CYP27A1: variants seen among roughly 807,000 people sequenced by gnomAD.
The protein encoded by CYP27A1 is sterol 26-hydroxylase, mitochondrial.
Under a neutral mutation model 58.2 loss-of-function variants are expected in CYP27A1, and 46 were observed. The ratio of observed to expected loss-of-function variants is 0.79; its 90% CI spans 0.62 to 1.01. The LOEUF is 1.01. Among genes scored for constraint, CYP27A1 ranks in the 50% least tolerant of loss-of-function variants. The pLI, the probability that CYP27A1 is intolerant of heterozygous loss-of-function variation, is 0.00. For synonymous variants in CYP27A1, 274 were observed against 285.1 expected (o/e 0.96, Z 0.39); for missense variants, 704 against 687.0 (o/e 1.02, Z -0.28).
intron 5 of CYP27A1, among the ~76,000 whole-genome samples, chr2:218,813,538 G>A (rs759639707): frequency 1.3e-5 from 2 of 152,030 alleles, no homozygotes; most frequent in Non-Finnish European, 2.9e-5. Flanking sequence ...CAATTCTCCT[G>A]CCTCAGCCTC....
At chr2:218,789,755 A>T (rs1411329888) in intron 1 of CYP27A1, among the ~76,000 whole-genome samples, 2 of 152,318 alleles carry the variant, frequency 1.3e-5, no homozygotes, top group East Asian at 3.9e-4. Flanking sequence ...GATGACCAAG[A>T]CTTTACTCAT....
At chr2:218,798,427 A>G (rs1238016273) in intron 1 of CYP27A1, among the ~76,000 whole-genome samples, 1 of 152,252 alleles carries the variant, frequency 6.6e-6, no homozygotes, top group Non-Finnish European at 1.5e-5. Context: ...ACTTTAATGT[A>G]AAGCCTGGTA....
At chr2:218,801,640 A>G (rs1479271790) in intron 1 of CYP27A1, among the ~76,000 whole-genome samples, 1 of 152,176 alleles carries the variant, frequency 6.6e-6, no homozygotes, top group African/African-American at 2.4e-5. Flanking sequence ...TGAAAGTGGT[A>G]TATCTTCATG....
intron 2 of CYP27A1, among the ~76,000 whole-genome samples, chr2:218,811,876 G>T (rs1167829869): frequency 6.6e-6 from 1 of 152,158 alleles, no homozygotes; most frequent in Non-Finnish European, 1.5e-5. Flanking sequence ...ACTCAGATAG[G>T]CACTCTTATT....
Position 218,815,134 on chromosome 2 carries a change from G to A in CYP27A1, c.*104G>A, listed in dbSNP as rs549842928. 1.5e-5 allele frequency: 22 copies of A among 1,436,826 alleles called. No homozygotes were observed. The highest frequency in any genetic ancestry group is 1.4e-4 in the East Asian group (6 of 42,854). 89.0% of individuals were successfully genotyped at this position (1,436,826 alleles called of 1,614,324 possible). Reference sequence around the variant, plus strand: ...AGATGAGGAGGGAGAGAAGGAGGCCGCCAGACTCGAGAGGTGGGAGGAACT... The same window carrying A: ...AGATGAGGAGGGAGAGAAGGAGGCCACCAGACTCGAGAGGTGGGAGGAACT... On this transcript the variant is annotated 3_prime_UTR_variant, in exon 9 of 9. Transcript: ENST00000258415.
intron 5 of CYP27A1, among the ~76,000 whole-genome samples, chr2:218,813,608 T>G (rs1161147933): frequency 5.9e-5 from 9 of 152,002 alleles, no homozygotes; most frequent in Non-Finnish European, 1.3e-4. Context: ...TCTTTAAATT[T>G]TAGTAGAGAC....
chr2:218,795,938 T>C (rs747524848), intron 1 of CYP27A1, among the ~76,000 whole-genome samples: 7 of 152,188 alleles, frequency 4.6e-5, no homozygotes, highest in African/African-American at 1.7e-4. Context: ...GAAGCTCAGA[T>C]AAGACCTTTT....
rs72551322 is a variant in CYP27A1 at position 218,814,716 on chromosome 2, C to T, written c.1435C>T (p.Arg479Cys). 102 of 1,614,024 alleles carry T rather than the reference C, an allele frequency of 6.3e-5. No individual in the cohort carries two copies. Among genetic ancestry groups the T allele is most frequent in the African/African-American group, 8.0e-5 (6 of 74,910 alleles). Residue 479 changes from arginine to cysteine, a missense_variant, in exon 8 of 9, where the codon CGC (arginine) becomes TGC (cysteine). Physicochemically the swap from Arg to Cys is radical, Grantham distance 180. Coordinates refer to ENST00000258415, the MANE Select transcript of CYP27A1 (RefSeq NM_000784.4). ...CTATGGGGTCCGGGCCTGCCTGGGC[C>T]GCAGGATTGCAGAGCTGGAGATGCA... is the stretch of plus-strand genomic sequence containing the variant. ...FGYGVRACLG[R>C]RIAELEMQLL...
chr2:218,812,172 T>A, intron 2 of CYP27A1, 50 bp from the exon 3 acceptor site: 1 of 1,445,196 alleles, frequency 6.9e-7, no homozygotes. Flanking sequence ...CTCCCTTAAT[T>A]GAACCCCCAT....
chr2:218,809,763 A>G lies in CYP27A1; in HGVS notation c.442A>G (p.Thr148Ala). 6.2e-7 allele frequency: 1 copy of G among 1,612,900 alleles called. No homozygotes were observed. ...DQHDLTYGPFTTEGHHWYQLR... is the reference protein window; with the variant it reads ...DQHDLTYGPFATEGHHWYQLR... ...GCACGACCTGACCTATGGGCCGTTC[A>G]CCACGTGAGCTGGGGCCTGAAGGGA... is the stretch of plus-strand genomic sequence containing the variant. The change falls in exon 2 of 9, where the codon ACC (threonine) becomes GCC (alanine). Residue 148 changes from threonine (T) to alanine (A), a missense_variant. Coordinates refer to ENST00000258415, the MANE Select transcript of CYP27A1 (RefSeq NM_000784.4).
chr2:218,809,637 G>A lies in CYP27A1; in HGVS notation c.316G>A (p.Val106Met), dbSNP rs374769409. Reference protein sequence around the residue: ...WMSYLGPQMHVNLASAPLLEQ... With the variant: ...WMSYLGPQMHMNLASAPLLEQ... ...GTCCTACTTAGGGCCTCAGATGCAC[G>A]TGAACCTGGCCAGTGCCCCGCTCTT... The change falls in exon 2 of 9, where the codon GTG becomes ATG. Residue 106 changes from valine (V) to methionine (M), a missense_variant. By Grantham distance (21) the Val-to-Met change is conservative (BLOSUM62 1). Transcript: ENST00000258415. 10 of 1,614,134 alleles carry A rather than the reference G, an allele frequency of 6.2e-6. No individual in the cohort carries two copies. Among genetic ancestry groups the A allele is most frequent in the East Asian group, 2.2e-5 (1 of 44,882 alleles).
intron 6 of CYP27A1, 72 bp downstream of exon 6, chr2:218,814,259 G>A (rs1007682792): frequency 1.9e-6 from 3 of 1,608,210 alleles, no homozygotes; most frequent in Admixed American, 1.7e-5. Context: ...GAAATCTGAA[G>A]TGAAGACAGG....
chr2:218,796,481 C>A (rs1943549306), intron 1 of CYP27A1, among the ~76,000 whole-genome samples: 3 of 152,062 alleles, frequency 2.0e-5, no homozygotes, highest in Admixed American at 2.0e-4. Context: ...ATAGTTCCAG[C>A]TACTTGGGAA....
At chr2:218,785,573 A>C (rs13423806) in intron 1 of CYP27A1, among the ~76,000 whole-genome samples, 1,756 of 152,122 alleles carry the variant, frequency 0.012, 34 homozygotes, top group African/African-American at 0.04. Context: ...TAACCAAAGA[A>C]ATTCTAGATG....
chr2:218,809,440 C>T lies in CYP27A1; in HGVS notation c.256-137C>T, dbSNP rs35745741. ...CCTGGTGCCTACATCATACACAATG[C>T]CCTTTTTTTTTTTTTTTTTTTTTTG... On this transcript the variant is annotated intron_variant, in intron 1 of 8. Transcript: ENST00000258415. 8,361 of 661,694 alleles carry T rather than the reference C, an allele frequency of 0.013. 1,265 individuals carry two copies. In the African/African-American group the frequency reaches 0.24, roughly 19 times the overall value. The allele number at this position is 661,694 out of a possible 1,614,324, so 41.0% of individuals were successfully genotyped here. A position where few individuals can be genotyped will look rare whatever the true frequency, so the allele number is the denominator to read the frequency against.
At position 218,814,581 on chromosome 2, in the gene CYP27A1, G is replaced by A. The variant is rs772825536; in HGVS notation, c.1300G>A (p.Asp434Asn). ...FVFCHYVVSR[D>N]PTAFSEPESF... ...GTTCTGCCACTATGTGGTGTCCCGG[G>A]ACCCCACTGCCTTCTCTGAGCCTGA... Residue 434 changes from aspartate (D) to asparagine (N), a missense_variant, in exon 8 of 9, where the codon GAC (aspartate) becomes AAC (asparagine). Physicochemically the swap from Asp to Asn is conservative, Grantham distance 23. Coordinates refer to ENST00000258415, the MANE Select transcript of CYP27A1 (RefSeq NM_000784.4). 6.2e-7 allele frequency: 1 copy of A among 1,614,198 alleles called. No individual in the cohort carries two copies. The highest frequency in any genetic ancestry group is 8.5e-7 in the Non-Finnish European group (1 of 1,180,034).
intron 1 of CYP27A1, among the ~76,000 whole-genome samples, chr2:218,787,260 T>G (rs1433729101): frequency 1.3e-5 from 2 of 152,168 alleles, no homozygotes; most frequent in Non-Finnish European, 2.9e-5. Context: ...ATACATCTGA[T>G]GGTAAACTTA....
chr2:218,814,941 C>A lies in CYP27A1; in HGVS notation c.1507C>A (p.Pro503Thr). The A allele has an allele frequency of 1.2e-6, 2 of 1,614,212 alleles. No individual in the cohort carries two copies. The highest frequency in any genetic ancestry group is 1.7e-6 in the Non-Finnish European group (2 of 1,180,030). The change falls in exon 9 of 9, where the codon CCG (proline) becomes ACG (threonine). Residue 503 changes from proline (P) to threonine (T), a missense_variant. Physicochemically the swap from Pro to Thr is conservative, Grantham distance 38. Transcript: ENST00000258415. ...LIQKYKVVLA[P>T]ETGELKSVAR... Reference sequence around the variant, plus strand: ...CCAGAAGTACAAGGTGGTCCTGGCCCCGGAGACGGGGGAGTTGAAGAGTGT... The same window carrying A: ...CCAGAAGTACAAGGTGGTCCTGGCCACGGAGACGGGGGAGTTGAAGAGTGT...
chr2:218,813,136 C>T (rs747715348), intron 5 of CYP27A1, 40 bp downstream of exon 5: 2 of 1,571,394 alleles, frequency 1.3e-6, no homozygotes, highest in Non-Finnish European at 1.7e-6. Context: ...GCCCCCAGCT[C>T]CCAACCTGAA....
Sources: allele counts gnomAD v4.1 joint callset (sites outside exome capture counted in the v4.1 genomes callset), GRCh38; gene constraint gnomAD v4.1.1; transcripts MANE v1.5; gene names NCBI Gene and HGNC (gene_info 2026-07-23, HGNC 2026-07-21).